Variants in ALK observed in about 807,000 individuals in gnomAD.
The protein encoded by ALK is ALK receptor tyrosine kinase, also known as ALK tyrosine kinase receptor.
A neutral mutation model predicts 163.1 loss-of-function variants in ALK; 74 were observed. The observed-to-expected ratio is 0.45, with a 90% CI of 0.38 to 0.55. The LOEUF (loss-of-function observed/expected upper bound fraction) is 0.55, where lower values mean the gene tolerates loss of function less well. Among genes scored for constraint, ALK ranks in the 20% least tolerant of loss-of-function variants. The pLI is 0.00. For missense variants in ALK, 2,063 were observed against 2,105.3 expected (o/e 0.98, Z 0.39); for synonymous variants, 960 against 843.2 (o/e 1.14, Z -2.40).
chr2:29,267,788 G>C (rs1665258591), intron 11 of ALK, among the ~76,000 whole-genome samples: 2 of 152,186 alleles, frequency 1.3e-5, no homozygotes, highest in Admixed American at 6.5e-5. Context: ...CAAGCAGAGA[G>C]CTAAATAGGC....
chr2:29,918,977 G>A (rs1667908381), intron 1 of ALK, among the ~76,000 whole-genome samples: 1 of 152,146 alleles, frequency 6.6e-6, no homozygotes, highest in Admixed American at 6.5e-5. Context: ...TGTCTTACAA[G>A]AAGAACATCG....
intron 1 of ALK, among the ~76,000 whole-genome samples, chr2:29,812,831 A>G (rs999105949): frequency 7.2e-5 from 11 of 152,220 alleles, no homozygotes; most frequent in African/African-American, 2.7e-4. Flanking sequence ...ATCATGTGTT[A>G]GGACTGAGCT....
At chr2:29,385,312 A>G (rs1335327004) in intron 4 of ALK, among the ~76,000 whole-genome samples, 1 of 152,128 alleles carries the variant, frequency 6.6e-6, no homozygotes, top group Admixed American at 6.5e-5. Flanking sequence ...AATGGAAAGT[A>G]AAAGTCACCT....
intron 4 of ALK, among the ~76,000 whole-genome samples, chr2:29,486,814 G>A (rs2148122082): frequency 6.6e-6 from 1 of 152,194 alleles, no homozygotes; most frequent in East Asian, 1.9e-4. Flanking sequence ...CTACAGAGGA[G>A]GAAATAATAG....
chr2:29,269,703 T>A (rs1337688809), intron 11 of ALK, among the ~76,000 whole-genome samples: 1 of 152,132 alleles, frequency 6.6e-6, no homozygotes, highest in Non-Finnish European at 1.5e-5. Flanking sequence ...GAGCATGAGG[T>A]TAATCAGCAG....
chr2:29,420,651 T>C (rs751464614), intron 4 of ALK, among the ~76,000 whole-genome samples: 12 of 151,180 alleles, frequency 7.9e-5, no homozygotes, highest in Non-Finnish European at 1.8e-4. Flanking sequence ...CATTTAAGAG[T>C]GGGGCCCGCG....
At chr2:29,354,110 A>C (rs907369045) in intron 5 of ALK, among the ~76,000 whole-genome samples, 1 of 152,142 alleles carries the variant, frequency 6.6e-6, no homozygotes, top group Non-Finnish European at 1.5e-5. Context: ...TGCTGGCCAT[A>C]AGGTCTTTCA....
At chr2:29,386,055 G>T (rs919105791) in intron 4 of ALK, among the ~76,000 whole-genome samples, 1 of 152,292 alleles carries the variant, frequency 6.6e-6, no homozygotes, top group East Asian at 1.9e-4. Flanking sequence ...CTAACTTTTG[G>T]TGATGAAGGC....
At chr2:29,428,499 A>G (rs1486761730) in intron 4 of ALK, among the ~76,000 whole-genome samples, 1 of 152,024 alleles carries the variant, frequency 6.6e-6, no homozygotes, top group African/African-American at 2.4e-5. Context: ...GCTATGTGCC[A>G]ATAAAGTAGA....
Position 29,625,129 on chromosome 2 carries a change from C to T in ALK, c.952+69721G>A, listed in dbSNP as rs1177800080. Among the ~76,000 whole-genome samples the T allele has an allele frequency of 2.0e-5, 3 of 152,316 alleles. No individual in the cohort carries two copies. The East Asian group carries it at 5.8e-4, about 29-fold the overall frequency. On this transcript the variant is annotated intron_variant, in intron 3 of 28. Transcript: ENST00000389048. ...AATGTGTGTGGGATTCAAGGAAGAG[C>T]ATCTGTAGCTATCCATTATGTTCTA...
chr2:29,855,826 C>A (rs1666124116), intron 1 of ALK, among the ~76,000 whole-genome samples: 1 of 152,172 alleles, frequency 6.6e-6, no homozygotes, highest in Non-Finnish European at 1.5e-5. Context: ...CTTCCCATTT[C>A]TTCAATTATT....
chr2:29,528,411 G>A lies in ALK; in HGVS notation c.1154+3504C>T, dbSNP rs181039787. Among the ~76,000 whole-genome samples, 40 of 152,344 alleles carry A rather than the reference G, an allele frequency of 2.6e-4. No homozygotes were observed. In the East Asian group the frequency reaches 6.6e-3, roughly 25 times the overall value. ...AGACACATCAGAATGGCAGTGTGGTGCAGTGGGTGGCTCCCTAGCCGGCTG... is the reference window on the plus strand; with the variant it reads ...AGACACATCAGAATGGCAGTGTGGTACAGTGGGTGGCTCCCTAGCCGGCTG... On this transcript the variant is annotated intron_variant, in intron 4 of 28. Transcript: ENST00000389048.
rs578184702 is a variant in ALK at position 29,633,971 on chromosome 2, A to T, written c.952+60879T>A. ...CAGGACCAGATGGCTTTATTGAAAAATTCCACCAAACATATAAAGAATTAA... is the reference window on the plus strand; with the variant it reads ...CAGGACCAGATGGCTTTATTGAAAATTTCCACCAAACATATAAAGAATTAA... On this transcript the variant is annotated intron_variant, in intron 3 of 28. Transcript: ENST00000389048. 3.3e-5 allele frequency among the ~76,000 whole-genome samples: 5 copies of T among 152,336 alleles called. No individual in the cohort carries two copies. The East Asian group carries it at 9.6e-4, about 29-fold the overall frequency.
At chr2:29,768,316 A>T (rs748268398) in intron 1 of ALK, among the ~76,000 whole-genome samples, 13 of 152,226 alleles carry the variant, frequency 8.5e-5, no homozygotes, top group Non-Finnish European at 1.2e-4. Context: ...TAATTAAACA[A>T]CTTCAGGGAG....
intron 1 of ALK, among the ~76,000 whole-genome samples, chr2:29,854,806 C>G (rs888350782): frequency 6.6e-6 from 1 of 152,226 alleles, no homozygotes; most frequent in Non-Finnish European, 1.5e-5. Context: ...AGCACTTCCT[C>G]TGTAACCAGC....
intron 3 of ALK, among the ~76,000 whole-genome samples, chr2:29,581,998 C>T (rs941734156): frequency 6.6e-6 from 1 of 152,196 alleles, no homozygotes; most frequent in South Asian, 2.1e-4. Context: ...CCCTTCCTTG[C>T]GTGCAGACTC....
chr2:29,632,222 A>T (rs1369381933), intron 3 of ALK, among the ~76,000 whole-genome samples: 1 of 152,132 alleles, frequency 6.6e-6, no homozygotes, highest in Admixed American at 6.5e-5. Flanking sequence ...TACAGAAATA[A>T]ACTGTGAGAT....
intron 1 of ALK, among the ~76,000 whole-genome samples, chr2:29,873,799 C>T (rs1323940997): frequency 6.6e-6 from 1 of 151,942 alleles, no homozygotes; most frequent in Non-Finnish European, 1.5e-5. Context: ...AGCAGAACAT[C>T]ATTACCCAGG....
chr2:29,440,090 C>T (rs559646184), intron 4 of ALK, among the ~76,000 whole-genome samples: 44 of 151,836 alleles, frequency 2.9e-4, no homozygotes, highest in African/African-American at 1.0e-3. Flanking sequence ...AAAAATTAGC[C>T]GGACGTACTG....
Sources: allele counts gnomAD v4.1 joint callset (sites outside exome capture counted in the v4.1 genomes callset), GRCh38; gene constraint gnomAD v4.1.1; transcripts MANE v1.5; gene names NCBI Gene and HGNC (gene_info 2026-07-23, HGNC 2026-07-21).